The following TRIO variants were observed in gnomAD, a reference collection of about 807,000 sequenced individuals.
TRIO encodes triple functional domain protein.
A neutral mutation model predicts 351.9 loss-of-function variants in TRIO; 58 were observed. The ratio of observed to expected loss-of-function variants is 0.16; its 90% CI spans 0.13 to 0.21. The LOEUF (loss-of-function observed/expected upper bound fraction) is 0.21, where lower values mean the gene tolerates loss of function less well. Ranked by LOEUF, TRIO falls within the 10% of genes least tolerant of loss-of-function variation. The pLI is 1.00. For synonymous variants in TRIO, 1,758 were observed against 1,595.7 expected, an observed-to-expected ratio of 1.10 and a Z score of -2.42; for missense variants, 3,201 against 4,027.8, an observed-to-expected ratio of 0.79 and a Z score of 5.56.
chr5:14,263,548 A>T (rs1477539843), intron 1 of TRIO, among the ~76,000 whole-genome samples: 1 of 152,224 alleles, frequency 6.6e-6, no homozygotes, highest in African/African-American at 2.4e-5. Flanking sequence ...ACAATGATTG[A>T]ATAGGGTTTC....
At chr5:14,422,500 C>T (rs1750253353) in intron 34 of TRIO, among the ~76,000 whole-genome samples, 1 of 152,092 alleles carries the variant, frequency 6.6e-6, no homozygotes, top group African/African-American at 2.4e-5. Context: ...TATTTATTTG[C>T]TTGCGAATAA....
In TRIO at chr5:14,476,966, A is replaced by G. The variant is rs1463795476; in HGVS notation, c.6153+3A>G. On this transcript the variant is annotated splice_donor_region_variant and intron_variant, in intron 41 of 56. Transcript: ENST00000344204. The stretch of plus-strand genomic sequence containing the variant: ...TAGGATCCCTTTTTGTTAAACACGT[A>G]AGCACAATAGCATTGCTTATATCCT... The G allele has an allele frequency of 6.2e-7, 1 of 1,613,184 alleles. No homozygotes were observed. Among genetic ancestry groups the G allele is most frequent in the Admixed American group, 1.7e-5 (1 of 59,994 alleles).
In TRIO at chr5:14,497,437, GA is replaced by G. The variant is rs1348413689; in HGVS notation, c.8020-409del. 6.6e-6 allele frequency among the ~76,000 whole-genome samples: 1 copy of G among 152,166 alleles called. No individual in the cohort carries two copies. Among genetic ancestry groups the G allele is most frequent in the Non-Finnish European group, 1.5e-5 (1 of 68,034 alleles). On this transcript the variant is annotated intron_variant, in intron 50 of 56. Coordinates refer to ENST00000344204, the MANE Select transcript of TRIO (RefSeq NM_007118.4). The surrounding 1 kb of genome is among the most constrained non-coding windows in gnomAD (Gnocchi z 4.4). ...TCTGGCTGTGACAGATCCCCTTGGG[GA>G]CAACTTCAGTCAGCTTTAGTCCTAT...
chr5:14,220,611 A>G (rs1792555799), intron 1 of TRIO, among the ~76,000 whole-genome samples: 2 of 152,274 alleles, frequency 1.3e-5, no homozygotes, highest in Non-Finnish European at 2.9e-5. Flanking sequence ...CAGTGAACAC[A>G]CAAATGATAA....
intron 1 of TRIO, among the ~76,000 whole-genome samples, chr5:14,231,413 A>T (rs1793419438): frequency 6.6e-6 from 1 of 152,244 alleles, no homozygotes; most frequent in Admixed American, 6.5e-5. Flanking sequence ...ATGAGTCATA[A>T]TCACTACTTA....
At chr5:14,483,172 C>G (rs918272423) in intron 46 of TRIO, among the ~76,000 whole-genome samples, 9 of 152,208 alleles carry the variant, frequency 5.9e-5, no homozygotes, top group African/African-American at 2.2e-4. Context: ...ACTGAGCACT[C>G]AGCAACAGGC....
At chr5:14,327,296 C>G (rs1238498885) in intron 9 of TRIO, among the ~76,000 whole-genome samples, 1 of 152,166 alleles carries the variant, frequency 6.6e-6, no homozygotes, top group Non-Finnish European at 1.5e-5. Flanking sequence ...TCCCAAGTAG[C>G]TGGGATTACA....
At chr5:14,207,907 T>C (rs374334006) in intron 1 of TRIO, among the ~76,000 whole-genome samples, 2 of 152,088 alleles carry the variant, frequency 1.3e-5, no homozygotes, top group East Asian at 1.9e-4. Flanking sequence ...AATAAACACA[T>C]CAGAAGATGT....
intron 20 of TRIO, among the ~76,000 whole-genome samples, chr5:14,380,375 A>T (rs765316344): frequency 6.6e-6 from 1 of 151,312 alleles, no homozygotes; most frequent in Non-Finnish European, 1.5e-5. Context: ...CTCCTGCACC[A>T]GGTCCAGGAG....
intron 1 of TRIO, among the ~76,000 whole-genome samples, chr5:14,158,786 G>A (rs1163156429): frequency 6.6e-6 from 1 of 152,200 alleles, no homozygotes; most frequent in Non-Finnish European, 1.5e-5. Flanking sequence ...AGCCATGATT[G>A]TGCTACTGCA....
Position 14,488,212 on chromosome 5 carries a change from G to A in TRIO, c.7584G>A (p.Thr2528=). The A allele has an allele frequency of 6.3e-7, 1 of 1,593,234 alleles. No individual in the cohort carries two copies. The highest frequency in any genetic ancestry group is 8.5e-7 in the Non-Finnish European group (1 of 1,176,744). The change falls in exon 48 of 57, where the codon ACG becomes ACA. Residue 2528 remains threonine, a synonymous_variant. Coordinates refer to ENST00000344204, the MANE Select transcript of TRIO (RefSeq NM_007118.4). ...APGKDTDRMS[T]CSSASEQSVQ... The stretch of plus-strand genomic sequence containing the variant: ...GCAAGGATACTGACCGCATGAGCAC[G>A]TGCTCCTCGGCCAGCGAGCAGTCCG...
At chr5:14,462,963 G>A (rs752461596) in intron 36 of TRIO, 38 bp downstream of exon 36, 62 of 1,523,634 alleles carry the variant, frequency 4.1e-5, no homozygotes, top group Admixed American at 3.5e-4. Context: ...CATGCCTGCC[G>A]TGCAGGGGCA....
At chr5:14,376,860 T>A (rs1310346082) in intron 19 of TRIO, among the ~76,000 whole-genome samples, 1 of 152,214 alleles carries the variant, frequency 6.6e-6, no homozygotes, top group Non-Finnish European at 1.5e-5. Flanking sequence ...GGATCATGAT[T>A]ACCTGTTCCC....
chr5:14,416,869 G>C lies in TRIO; in HGVS notation c.4960-2909G>C, dbSNP rs543949792. Among the ~76,000 whole-genome samples the C allele has an allele frequency of 1.4e-4, 21 of 152,336 alleles. No homozygotes were observed. The South Asian group carries it at 3.9e-3, about 29-fold the overall frequency. ...CACTTCCCAGCGTCTGGGAGTGGGG[G>C]CTGCTAGAAGAATGTCAGGGAAGCC... On this transcript the variant is annotated intron_variant, in intron 33 of 56. Coordinates refer to ENST00000344204, the MANE Select transcript of TRIO (RefSeq NM_007118.4).
intron 15 of TRIO, among the ~76,000 whole-genome samples, 159 bp downstream of exon 15, chr5:14,364,975 G>A (rs750271292): frequency 2.0e-5 from 3 of 151,912 alleles, no homozygotes; most frequent in Non-Finnish European, 4.4e-5. Flanking sequence ...ACACACCCCC[G>A]CCCCCCGATT....
At chr5:14,457,314 C>A (rs1753391951) in intron 34 of TRIO, among the ~76,000 whole-genome samples, 1 of 151,244 alleles carries the variant, frequency 6.6e-6, no homozygotes, top group African/African-American at 2.4e-5. Context: ...CAGTTGTCAC[C>A]CAGTCCTTTG....
At chr5:14,415,753 C>T (rs1749591475) in intron 33 of TRIO, among the ~76,000 whole-genome samples, 1 of 152,106 alleles carries the variant, frequency 6.6e-6, no homozygotes, top group African/African-American at 2.4e-5. Context: ...GCCAATTGTC[C>T]ATATGTCTGG....
At chr5:14,290,682 T>C in intron 4 of TRIO, 34 bp from the exon 5 acceptor site, 1 of 1,549,826 alleles carries the variant, frequency 6.5e-7, no homozygotes, top group South Asian at 1.3e-5. Context: ...TAAAATTGGT[T>C]CATCTTCTCA....
chr5:14,350,038 G>A (rs1742910870), intron 11 of TRIO, among the ~76,000 whole-genome samples: 1 of 152,186 alleles, frequency 6.6e-6, no homozygotes, highest in African/African-American at 2.4e-5. Context: ...TGTCTATGTT[G>A]TTGCAAAGGA....
Sources: allele counts gnomAD v4.1 joint callset (sites outside exome capture counted in the v4.1 genomes callset), GRCh38; gene constraint gnomAD v4.1.1; non-coding constraint Gnocchi (gnomAD v3.1); transcripts MANE v1.5; gene names NCBI Gene and HGNC (gene_info 2026-07-23, HGNC 2026-07-21).